Variants in ARID2 observed in about 807,000 individuals in gnomAD.
ARID2 encodes AT-rich interaction domain 2.
Under a neutral mutation model 184.6 loss-of-function variants are expected in ARID2, and 32 were observed. That is an observed-to-expected ratio of 0.17 (90% CI 0.13 to 0.23). The LOEUF (loss-of-function observed/expected upper bound fraction) is 0.23. ARID2 is among the 10% of genes least tolerant of loss of function. ARID2 has a pLI of 1.00. For missense variants in ARID2, 1,696 were observed against 2,197.6 expected, an observed-to-expected ratio of 0.77 and a Z score of 4.56; for synonymous variants, 836 against 772.6, an observed-to-expected ratio of 1.08 and a Z score of -1.36.
At chr12:45,860,492 T>G (rs1174697683) in intron 15 of ARID2, among the ~76,000 whole-genome samples, 1 of 151,994 alleles carries the variant, frequency 6.6e-6, no homozygotes, top group Non-Finnish European at 1.5e-5. Flanking sequence ...AGTATATTTA[T>G]TTCTCATTTA....
chr12:45,867,058 C>T (rs1943842427), intron 16 of ARID2, among the ~76,000 whole-genome samples: 2 of 152,032 alleles, frequency 1.3e-5, no homozygotes, highest in African/African-American at 2.4e-5. Flanking sequence ...TCAAACGATT[C>T]TCTTGGCTCA....
At chr12:45,899,711 T>TTATATATATATGGTTA (rs1565644964) in intron 20 of ARID2, among the ~76,000 whole-genome samples, 25 of 132,948 alleles carry the variant, frequency 1.9e-4, no homozygotes, top group South Asian at 5.1e-4. Context: ...ATATATATGG[T>TTATATATATATGGTTA]TATATATATA....
intron 16 of ARID2, among the ~76,000 whole-genome samples, chr12:45,874,883 G>A (rs1175678477): frequency 6.6e-6 from 1 of 152,232 alleles, no homozygotes; most frequent in Non-Finnish European, 1.5e-5. Context: ...CAACACTTTG[G>A]AAGGCCAAAG....
chr12:45,905,230 A>T lies in ARID2; in HGVS notation c.*152A>T. The stretch of plus-strand genomic sequence containing the variant: ...TGCTGAGAGGAAGCTTCGTATTCTG[A>T]TCTCTGAGTGAATCCCTTTGTTCTC... On this transcript the variant is annotated 3_prime_UTR_variant, in exon 21 of 21. Coordinates refer to ENST00000334344, the MANE Select transcript of ARID2 (RefSeq NM_152641.4). 1.5e-6 allele frequency: 1 copy of T among 663,138 alleles called. No homozygotes were observed. Among genetic ancestry groups the T allele is most frequent in the Non-Finnish European group, 2.3e-6 (1 of 438,048 alleles). 41.1% of individuals were successfully genotyped at this position (663,138 alleles called of 1,614,324 possible).
At chr12:45,800,109 C>T (rs906147727) in intron 3 of ARID2, among the ~76,000 whole-genome samples, 1 of 152,072 alleles carries the variant, frequency 6.6e-6, no homozygotes, top group African/African-American at 2.4e-5. Flanking sequence ...CTCAGCTTCC[C>T]AAAGTGATGG....
intron 3 of ARID2, among the ~76,000 whole-genome samples, chr12:45,750,562 AC>A (rs1209736051): frequency 6.6e-6 from 1 of 152,240 alleles, no homozygotes; most frequent in Non-Finnish European, 1.5e-5. Context: ...AAAATGAGGC[AC>A]AATAAAATGA....
chr12:45,747,966 G>A (rs1191088224), intron 3 of ARID2, among the ~76,000 whole-genome samples: 3 of 152,158 alleles, frequency 2.0e-5, no homozygotes, highest in Non-Finnish European at 4.4e-5. Flanking sequence ...TAATATATAT[G>A]ATAGTAAAAT....
At chr12:45,871,097 G>C (rs1483186260) in intron 16 of ARID2, among the ~76,000 whole-genome samples, 1 of 152,162 alleles carries the variant, frequency 6.6e-6, no homozygotes, top group Non-Finnish European at 1.5e-5. Flanking sequence ...TGAGAATTTT[G>C]TTGCTTCATA....
At chr12:45,808,726 T>G (rs1281369875) in intron 3 of ARID2, among the ~76,000 whole-genome samples, 1 of 150,702 alleles carries the variant, frequency 6.6e-6, no homozygotes, top group East Asian at 1.9e-4. Context: ...TAAAAATGTG[T>G]GTTTGCGTGC....
Position 45,905,262 on chromosome 12 carries a change from A to G in ARID2, c.*184A>G. ...AGTGAATCCCTTTGTTCTCTGTTTA[A>G]AAAAATCTAAAAAGAAAAAGGAAAA... On this transcript the variant is annotated 3_prime_UTR_variant, in exon 21 of 21. Coordinates refer to ENST00000334344, the MANE Select transcript of ARID2 (RefSeq NM_152641.4). 1.9e-6 allele frequency: 1 copy of G among 533,250 alleles called. No homozygotes were observed. The highest frequency in any genetic ancestry group is 3.0e-6 in the Non-Finnish European group (1 of 334,990). The allele number at this position is 533,250 out of a possible 1,614,324, so 33.0% of individuals were successfully genotyped here.
In ARID2 at chr12:45,775,046, C is replaced by A. The variant is rs190793746; in HGVS notation, c.285-36372C>A. ...TGTATAATGCTCAGGATGGTCCCCCCATAAAGAAGAATTATCCAGCCTGAA... is the reference window on the plus strand; with the variant it reads ...TGTATAATGCTCAGGATGGTCCCCCAATAAAGAAGAATTATCCAGCCTGAA... On this transcript the variant is annotated intron_variant, in intron 3 of 20. Transcript: ENST00000334344. Among the ~76,000 whole-genome samples the A allele has an allele frequency of 5.1e-3, 779 of 152,124 alleles. 11 individuals carry two copies. Among genetic ancestry groups the A allele is most frequent in the African/African-American group, 0.018 (744 of 41,470 alleles).
At chr12:45,780,264 A>G (rs1942063834) in intron 3 of ARID2, among the ~76,000 whole-genome samples, 1 of 152,246 alleles carries the variant, frequency 6.6e-6, no homozygotes, top group African/African-American at 2.4e-5. Context: ...TTATCTTGAA[A>G]ATTAAAATAA....
intron 3 of ARID2, among the ~76,000 whole-genome samples, chr12:45,742,550 T>C (rs1273395527): frequency 6.6e-6 from 1 of 152,208 alleles, no homozygotes; most frequent in Non-Finnish European, 1.5e-5. Flanking sequence ...TCATTAAAAA[T>C]ATATATTTTG....
At chr12:45,857,455 G>A (rs1400793722) in intron 15 of ARID2, among the ~76,000 whole-genome samples, 6 of 152,104 alleles carry the variant, frequency 3.9e-5, no homozygotes, top group Admixed American at 3.9e-4. Context: ...ATAAAACTAA[G>A]AAAAGTATTA....
chr12:45,861,034 A>C (rs1943737338), intron 16 of ARID2, 85 bp downstream of exon 16: 2 of 1,286,898 alleles, frequency 1.6e-6, no homozygotes, highest in African/African-American at 3.0e-5. Context: ...CTATAGTTGC[A>C]TGAAAATTTT....
At chr12:45,828,121 G>C (rs1943037799) in intron 6 of ARID2, among the ~76,000 whole-genome samples, 1 of 151,968 alleles carries the variant, frequency 6.6e-6, no homozygotes, top group African/African-American at 2.4e-5. Flanking sequence ...TCGTTACCCA[G>C]ATGAAGAATT....
chr12:45,740,595 A>T (rs12297853), intron 3 of ARID2, among the ~76,000 whole-genome samples: 3,165 of 152,254 alleles, frequency 0.021, 116 homozygotes, highest in African/African-American at 0.072. Context: ...TCATTCGCTA[A>T]TGTAACAATG....
chr12:45,754,858 A>G (rs1941536697), intron 3 of ARID2, among the ~76,000 whole-genome samples: 1 of 152,228 alleles, frequency 6.6e-6, no homozygotes, highest in Admixed American at 6.5e-5. Flanking sequence ...AATAGAATCA[A>G]TGAATGAATG....
intron 3 of ARID2, among the ~76,000 whole-genome samples, chr12:45,744,712 A>G (rs1462257885): frequency 1.3e-5 from 2 of 152,180 alleles, no homozygotes; most frequent in Non-Finnish European, 2.9e-5. Context: ...TTAGTCTTAC[A>G]AGTCTTCATT....
Sources: gnomAD v4.1 joint callset for allele counts (sites outside exome capture counted in the v4.1 genomes callset) on GRCh38, gnomAD v4.1.1 for gene constraint, MANE v1.5 for transcripts, NCBI Gene and HGNC (gene_info 2026-07-23, HGNC 2026-07-21) for gene names.